Variants in SLC24A2 observed in about 807,000 individuals in gnomAD.
SLC24A2 encodes sodium/potassium/calcium exchanger 2.
SLC24A2 carries 36 observed loss-of-function variants against 62.0 expected under a neutral mutation model. The observed-to-expected ratio is 0.58, with a 90% CI of 0.44 to 0.77. The LOEUF (loss-of-function observed/expected upper bound fraction) is 0.77. Among genes scored for constraint, SLC24A2 ranks in the 30% least tolerant of loss-of-function variants. The probability of loss-of-function intolerance (pLI) is 0.00; values close to 1 mark genes in which losing one functional copy is unlikely to be tolerated. For missense variants in SLC24A2, 846 were observed against 817.9 expected, an observed-to-expected ratio of 1.03 and a Z score of -0.42; for synonymous variants, 358 against 294.0, an observed-to-expected ratio of 1.22 and a Z score of -2.23.
At chr9:19,776,115 G>T (rs934775284) in intron 2 of SLC24A2, among the ~76,000 whole-genome samples, 1 of 152,320 alleles carries the variant, frequency 6.6e-6, no homozygotes. Flanking sequence ...ATATTGGGTT[G>T]AGAGTAAAAT....
chr9:20,011,472 G>A, the SLC24A2 span, among the ~76,000 whole-genome samples: 66 of 152,226 alleles, frequency 4.3e-4, no homozygotes, highest in African/African-American at 1.6e-3. Flanking sequence ...GAAAAGATGA[G>A]GGTATTCGAA....
chr9:19,972,221 G>A, the SLC24A2 span, among the ~76,000 whole-genome samples: 2 of 152,112 alleles, frequency 1.3e-5, no homozygotes, highest in African/African-American at 2.4e-5. Flanking sequence ...GAGCTACTGT[G>A]GCAATGAGAG....
chr9:20,082,122 G>C, the SLC24A2 span, among the ~76,000 whole-genome samples: 1 of 152,172 alleles, frequency 6.6e-6, no homozygotes, highest in South Asian at 2.1e-4. Flanking sequence ...GGTAGCTTAA[G>C]TCTCTGTTCC....
At chr9:19,887,252 G>C in the SLC24A2 span, among the ~76,000 whole-genome samples, 2 of 152,016 alleles carry the variant, frequency 1.3e-5, no homozygotes, top group Admixed American at 1.3e-4. Context: ...TTTTTAATGG[G>C]GTTGCCTTTT....
the SLC24A2 span, among the ~76,000 whole-genome samples, chr9:19,919,439 T>C: frequency 6.6e-6 from 1 of 152,126 alleles, no homozygotes; most frequent in Non-Finnish European, 1.5e-5. Context: ...AAGGAAAGCA[T>C]TTAAAGAGAG....
the SLC24A2 span, among the ~76,000 whole-genome samples, chr9:20,226,186 G>C: frequency 6.6e-6 from 1 of 152,062 alleles, no homozygotes; most frequent in Admixed American, 6.6e-5. Context: ...GGAAAAGATA[G>C]TCTTCTTCCA....
chr9:19,646,114 A>G (rs79345302), intron 2 of SLC24A2, among the ~76,000 whole-genome samples: 1 of 152,330 alleles, frequency 6.6e-6, no homozygotes, highest in East Asian at 1.9e-4. Flanking sequence ...CACTGCTTCA[A>G]AGCAACTTAC....
the SLC24A2 span, among the ~76,000 whole-genome samples, chr9:19,960,763 G>C: frequency 6.6e-6 from 1 of 152,138 alleles, no homozygotes; most frequent in African/African-American, 2.4e-5. Flanking sequence ...TCTCCAAGCT[G>C]TGGTTTACTC....
chr9:19,927,482 T>C, the SLC24A2 span: 1 of 152,204 alleles, frequency 6.6e-6, no homozygotes, highest in Non-Finnish European at 1.5e-5. Flanking sequence ...ATGATGATGA[T>C]GAATTTGGGC....
chr9:19,704,145 T>C (rs1820438136), intron 2 of SLC24A2, among the ~76,000 whole-genome samples: 1 of 152,156 alleles, frequency 6.6e-6, no homozygotes, highest in Admixed American at 6.5e-5. Flanking sequence ...TACCTGGAAC[T>C]TGTTAAGATT....
At chr9:19,541,857 G>T (rs1432819450) in intron 8 of SLC24A2, among the ~76,000 whole-genome samples, 1 of 151,824 alleles carries the variant, frequency 6.6e-6, no homozygotes, top group Non-Finnish European at 1.5e-5. Context: ...CAATCAGCGA[G>T]ATTCCGTGGG....
chr9:20,099,744 C>A, the SLC24A2 span, among the ~76,000 whole-genome samples: 1 of 152,118 alleles, frequency 6.6e-6, no homozygotes, highest in Non-Finnish European at 1.5e-5. Context: ...ACTGCACTTC[C>A]TAGGTACCTC....
At chr9:19,843,558 G>T in the SLC24A2 span, among the ~76,000 whole-genome samples, 1 of 152,126 alleles carries the variant, frequency 6.6e-6, no homozygotes, top group Non-Finnish European at 1.5e-5. Context: ...GGGGGTCCAT[G>T]TGCATATTTG....
chr9:19,796,817 T>C, the SLC24A2 span, among the ~76,000 whole-genome samples: 1 of 152,340 alleles, frequency 6.6e-6, no homozygotes, highest in Non-Finnish European at 1.5e-5. Context: ...TGCAGTGTTC[T>C]ATATCTTGAT....
the SLC24A2 span, among the ~76,000 whole-genome samples, chr9:20,108,318 TA>T: frequency 6.6e-6 from 1 of 152,078 alleles, no homozygotes; most frequent in East Asian, 1.9e-4. Flanking sequence ...AAACTAGAAA[TA>T]CCATTTGACC....
the SLC24A2 span, among the ~76,000 whole-genome samples, chr9:19,909,309 A>T: frequency 1.3e-5 from 2 of 151,976 alleles, no homozygotes; most frequent in East Asian, 3.9e-4. Flanking sequence ...AGGAAGGGGA[A>T]CATCACACAC....
chr9:20,129,493 A>C, the SLC24A2 span, among the ~76,000 whole-genome samples: 1 of 152,142 alleles, frequency 6.6e-6, no homozygotes, highest in Non-Finnish European at 1.5e-5. Flanking sequence ...TTCACATAGC[A>C]CTATTTACAA....
In SLC24A2 at chr9:19,514,067, C is replaced by T. The variant is rs191226002; in HGVS notation, c.*2086G>A. ...GACTTGAAAGCCAGCCTCCGACTGG[C>T]AGCCATCTTGATTTCTTGTTTTCCC... On this transcript the variant is annotated 3_prime_UTR_variant, in exon 11 of 11. Coordinates refer to ENST00000341998, the MANE Select transcript of SLC24A2 (RefSeq NM_020344.4). The T allele has an allele frequency of 6.6e-6, 1 of 152,340 alleles. No homozygotes were observed. Among genetic ancestry groups the T allele is most frequent in the East Asian group, 1.9e-4 (1 of 5,184 alleles). The allele number at this position is 152,340 out of a possible 1,614,324, so 9.4% of individuals were successfully genotyped here.
the SLC24A2 span, among the ~76,000 whole-genome samples, chr9:19,864,169 A>G: frequency 2.0e-5 from 3 of 152,046 alleles, no homozygotes; most frequent in Non-Finnish European, 4.4e-5. Context: ...ATAACAAGCA[A>G]TGAGATTGAA....
Sources: gnomAD v4.1 joint callset for allele counts (sites outside exome capture counted in the v4.1 genomes callset) on GRCh38, gnomAD v4.1.1 for gene constraint, MANE v1.5 for transcripts, NCBI Gene and HGNC (gene_info 2026-07-23, HGNC 2026-07-21) for gene names.